The following NEURL1 variants were observed in gnomAD, a reference collection of about 807,000 sequenced individuals.
NEURL1 encodes E3 ubiquitin-protein ligase NEURL1.
NEURL1 carries 26 observed loss-of-function variants against 41.2 expected under a neutral mutation model. The observed-to-expected ratio is 0.63, with a 90% CI of 0.46 to 0.87. The LOEUF (loss-of-function observed/expected upper bound fraction) is 0.87. Ranked by LOEUF, NEURL1 falls within the 40% of genes least tolerant of loss-of-function variation. NEURL1 has a pLI of 0.00. For synonymous variants in NEURL1, 400 were observed against 402.3 expected (o/e 0.99, Z 0.07); for missense variants, 761 against 871.1 (o/e 0.87, Z 1.59).
chr10:103,530,842 G>T (rs2034555574), intron 1 of NEURL1, among the ~76,000 whole-genome samples: 1 of 152,004 alleles, frequency 6.6e-6, no homozygotes, highest in African/African-American at 2.4e-5. Flanking sequence ...ACCTGGCCAT[G>T]ATTTCGGTTC....
intron 1 of NEURL1, chr10:103,555,476 G>A (rs1002963318): frequency 2.3e-6 from 3 of 1,290,532 alleles, no homozygotes; most frequent in Non-Finnish European, 3.1e-6. Flanking sequence ...GGGGAGGCCG[G>A]GCGGAGGGGC....
At chr10:103,578,025 G>T (rs1213481208) in intron 3 of NEURL1, 2 of 152,170 alleles carry the variant, frequency 1.3e-5, no homozygotes, top group Admixed American at 1.3e-4. Context: ...GGCTCAGGGT[G>T]GGGTGTATGT....
intron 1 of NEURL1, among the ~76,000 whole-genome samples, chr10:103,543,926 AG>A (rs1032934477): frequency 2.1e-5 from 3 of 143,684 alleles, no homozygotes; most frequent in Non-Finnish European, 4.6e-5. Flanking sequence ...GGGGTGGGGT[AG>A]GGGGGGTCAT....
intron 1 of NEURL1, among the ~76,000 whole-genome samples, chr10:103,540,940 A>G (rs984084722): frequency 6.6e-6 from 1 of 152,256 alleles, no homozygotes; most frequent in African/African-American, 2.4e-5. Context: ...GGTTGCTCCC[A>G]CATGGGGATG....
intron 1 of NEURL1, among the ~76,000 whole-genome samples, chr10:103,523,632 A>G (rs534026359): frequency 2.0e-5 from 3 of 152,046 alleles, no homozygotes; most frequent in Admixed American, 6.6e-5. Context: ...TCTGGTTACT[A>G]TTCTGTTCTC....
chr10:103,584,448 C>T, intron 3 of NEURL1, 88 bp from the exon 4 acceptor site: 2 of 826,820 alleles, frequency 2.4e-6, no homozygotes, highest in African/African-American at 1.8e-5. Context: ...GGGATTGTAA[C>T]GGTGCGCGCG....
intron 1 of NEURL1, among the ~76,000 whole-genome samples, chr10:103,535,265 G>A (rs1048574431): frequency 3.3e-5 from 5 of 152,116 alleles, no homozygotes; most frequent in South Asian, 2.1e-4. Context: ...GTATGTCAGC[G>A]GCTCAGACTC....
chr10:103,547,784 C>T (rs993350289), intron 1 of NEURL1, among the ~76,000 whole-genome samples: 4 of 151,798 alleles, frequency 2.6e-5, no homozygotes, highest in African/African-American at 9.7e-5. Flanking sequence ...ATTTAACCTC[C>T]TGTTATCAGC....
In NEURL1 at chr10:103,508,437, G is replaced by A. The variant is rs2033995568; in HGVS notation, c.85+13965G>A. 6.6e-6 allele frequency among the ~76,000 whole-genome samples: 1 copy of A among 152,172 alleles called. No individual in the cohort carries two copies. Among genetic ancestry groups the A allele is most frequent in the South Asian group, 2.1e-4 (1 of 4,826 alleles). On this transcript the variant is annotated intron_variant, in intron 1 of 5. Coordinates refer to ENST00000369780, the MANE Select transcript of NEURL1 (RefSeq NM_004210.5). The surrounding 1 kb of genome is among the most constrained non-coding windows in gnomAD (Gnocchi z 4.3). ...AGCTAGGACCTCTTTCTGTCTCTGAGCGCCCTGACTTCTCTTCCAGCCCCG... is the reference window on the plus strand; with the variant it reads ...AGCTAGGACCTCTTTCTGTCTCTGAACGCCCTGACTTCTCTTCCAGCCCCG...
In NEURL1 at chr10:103,558,410, C is replaced by G. The variant is rs1457048971; in HGVS notation, c.86-12462C>G. On this transcript the variant is annotated intron_variant, in intron 1 of 5. Transcript: ENST00000369780. This position sits in a 1 kb window ranked among gnomAD's most constrained non-coding sequence, Gnocchi z 4.2. ...ATCTCTGTGTACCTGTGTGATGTGT[C>G]TCTAACTGTGGATTGAAGCGACTGT... 6.6e-6 allele frequency among the ~76,000 whole-genome samples: 1 copy of G among 151,896 alleles called. No homozygotes were observed.
rs184732387 is a variant in NEURL1 at position 103,589,108 on chromosome 10, C to T, written c.1340-406C>T. Reference sequence around the variant, plus strand: ...GACAGTGGTGAAGAGCTCAGGGCTCCGAACAGGAGGGTGAGGTTGCGGGGC... The same window carrying T: ...GACAGTGGTGAAGAGCTCAGGGCTCTGAACAGGAGGGTGAGGTTGCGGGGC... On this transcript the variant is annotated intron_variant, in intron 4 of 5. Coordinates refer to ENST00000369780, the MANE Select transcript of NEURL1 (RefSeq NM_004210.5). Among the ~76,000 whole-genome samples, 8 of 152,114 alleles carry T rather than the reference C, an allele frequency of 5.3e-5. No homozygotes were observed. The South Asian group carries it at 6.2e-4, about 12-fold the overall frequency.
chr10:103,516,382 C>T (rs1402603134), intron 1 of NEURL1, among the ~76,000 whole-genome samples: 1 of 150,736 alleles, frequency 6.6e-6, no homozygotes, highest in Non-Finnish European at 1.5e-5. Flanking sequence ...CCCATCAGGA[C>T]CCCAAGCAGA....
At chr10:103,502,358 A>G (rs1276569078) in intron 1 of NEURL1, among the ~76,000 whole-genome samples, 1 of 152,188 alleles carries the variant, frequency 6.6e-6, no homozygotes, top group Non-Finnish European at 1.5e-5. Flanking sequence ...GAAGTCTGAG[A>G]TCAAGGTGCC....
intron 1 of NEURL1, among the ~76,000 whole-genome samples, chr10:103,554,620 T>C (rs889079078): frequency 6.6e-6 from 1 of 152,214 alleles, no homozygotes; most frequent in African/African-American, 2.4e-5. Flanking sequence ...TGTAAGACCA[T>C]CATCATCATC....
At chr10:103,581,139 CCAA>C (rs1159608968) in intron 3 of NEURL1, among the ~76,000 whole-genome samples, 3 of 152,120 alleles carry the variant, frequency 2.0e-5, no homozygotes, top group African/African-American at 7.2e-5. Flanking sequence ...TCGGATCTTT[CCAA>C]CAACAACTCA....
intron 1 of NEURL1, chr10:103,494,806 TC>T (rs2033644877): frequency 1.4e-5 from 3 of 219,800 alleles, no homozygotes; most frequent in Non-Finnish European, 1.5e-5. Context: ...GCTTGGGTCG[TC>T]CGTGTCTCCA....
chr10:103,584,644 G>A lies in NEURL1; in HGVS notation c.758G>A (p.Cys253Tyr). The A allele has an allele frequency of 7.0e-7, 1 of 1,434,422 alleles. No individual in the cohort carries two copies. The highest frequency in any genetic ancestry group is 9.1e-7 in the Non-Finnish European group (1 of 1,100,246). 88.9% of individuals were successfully genotyped at this position (1,434,422 alleles called of 1,614,324 possible). ...ADDARLSVSLCDLNVPGADGD... is the reference protein window; with the variant it reads ...ADDARLSVSLYDLNVPGADGD... Reference sequence around the variant, plus strand: ...GACGCGCGCCTCTCGGTGAGCCTATGCGACCTCAACGTGCCGGGCGCGGAC... The same window carrying A: ...GACGCGCGCCTCTCGGTGAGCCTATACGACCTCAACGTGCCGGGCGCGGAC... The change falls in exon 4 of 6, where the codon TGC becomes TAC. Residue 253 changes from cysteine to tyrosine, a missense_variant. Coordinates refer to ENST00000369780, the MANE Select transcript of NEURL1 (RefSeq NM_004210.5).
intron 1 of NEURL1, among the ~76,000 whole-genome samples, chr10:103,506,093 G>T (rs1005549229): frequency 6.6e-6 from 1 of 152,226 alleles, no homozygotes; most frequent in Non-Finnish European, 1.5e-5. Flanking sequence ...CTGCTCCAGC[G>T]GTTGGGGTAA....
At chr10:103,547,715 C>T (rs541747525) in intron 1 of NEURL1, among the ~76,000 whole-genome samples, 2 of 152,118 alleles carry the variant, frequency 1.3e-5, no homozygotes, top group East Asian at 1.9e-4. Context: ...TGAGTGTGTG[C>T]GTGGGGTGGA....
Sources: allele counts gnomAD v4.1 joint callset (sites outside exome capture counted in the v4.1 genomes callset), GRCh38; gene constraint gnomAD v4.1.1; non-coding constraint Gnocchi (gnomAD v3.1); transcripts MANE v1.5; gene names NCBI Gene and HGNC (gene_info 2026-07-23, HGNC 2026-07-21).